The following IQCE variants were observed in gnomAD, a reference collection of about 807,000 sequenced individuals.
IQCE encodes IQ motif containing E, also known as IQ domain-containing protein E.
In IQCE, 115 loss-of-function variants were observed where a neutral mutation model predicts 96.0. The ratio of observed to expected loss-of-function variants is 1.20; its 90% CI spans 1.03 to 1.40. The LOEUF is 1.40. Among genes scored for constraint, IQCE ranks in the 40% most tolerant of loss-of-function variants. The pLI is 0.00. For synonymous variants in IQCE, 412 were observed against 371.2 expected (o/e 1.11, Z -1.26); for missense variants, 1,041 against 909.1 (o/e 1.15, Z -1.87).
intron 11 of IQCE, chr7:2,584,519 G>A (rs1017426191): frequency 5.6e-6 from 3 of 535,448 alleles, no homozygotes; most frequent in Non-Finnish European, 6.8e-6. Context: ...AATGCCGCCC[G>A]TGTTCGTTAT....
intron 11 of IQCE, chr7:2,584,502 C>T (rs897784328): frequency 1.1e-4 from 63 of 576,396 alleles, no homozygotes; most frequent in African/African-American, 8.8e-4. Context: ...ATGGCCAACG[C>T]GTGTTCAATG....
At chr7:2,606,920 G>A (rs529647495) in intron 20 of IQCE, among the ~76,000 whole-genome samples, 9 of 152,278 alleles carry the variant, frequency 5.9e-5, no homozygotes, top group East Asian at 5.8e-4. Context: ...GGACGGGGAC[G>A]TGTCTGAGGC....
intron 16 of IQCE, chr7:2,597,150 G>T (rs1367242304): frequency 2.1e-6 from 1 of 467,902 alleles, no homozygotes; most frequent in Non-Finnish European, 4.4e-6. Flanking sequence ...GAGCCGGCTG[G>T]TTAGGGCCGG....
rs1562637786 is a variant in IQCE at position 2,578,329 on chromosome 7, A to G, written c.553A>G (p.Ile185Val). The G allele has an allele frequency of 6.2e-7, 1 of 1,614,142 alleles. No individual in the cohort carries two copies. Among genetic ancestry groups the G allele is most frequent in the Middle Eastern group, 1.7e-4 (1 of 6,060 alleles). Residue 185 changes from isoleucine to valine, a missense_variant, in exon 7 of 22, where the codon ATA (isoleucine) becomes GTA (valine). By Grantham distance (29) the Ile-to-Val change is conservative. Coordinates refer to ENST00000402050, the MANE Select transcript of IQCE (RefSeq NM_152558.5). ...EEENSRKDRQ[I>V]EQLLDPSRGT... ...GGAAAACAGCAGGAAGGACCGGCAG[A>G]TAGAGCAGCTCCTGGATCCCAGCCG...
intron 21 of IQCE, 145 bp from the exon 22 acceptor site, chr7:2,609,899 G>A (rs1193428894): frequency 3.3e-6 from 2 of 615,138 alleles, no homozygotes; most frequent in Admixed American, 2.8e-5. Flanking sequence ...TTGCTCCTGA[G>A]GGCCTGTGTG....
chr7:2,588,032 A>G (rs537384299), intron 13 of IQCE, among the ~76,000 whole-genome samples, 155 bp downstream of exon 13: 4 of 152,384 alleles, frequency 2.6e-5, no homozygotes, highest in East Asian at 3.9e-4. Context: ...TTCCAGGTCT[A>G]GACAACGCTG....
Position 2,594,551 on chromosome 7 carries a change from C to T in IQCE, c.1350-335C>T, listed in dbSNP as rs757186509. Reference sequence around the variant, plus strand: ...TTGGGATCACAGGCGTCCGGCCTGGCCTCCTACTTACTTATCATTCACACA... The same window carrying T: ...TTGGGATCACAGGCGTCCGGCCTGGTCTCCTACTTACTTATCATTCACACA... On this transcript the variant is annotated intron_variant, in intron 15 of 21. Transcript: ENST00000402050. Among the ~76,000 whole-genome samples, 49 of 152,250 alleles carry T rather than the reference C, an allele frequency of 3.2e-4. 1 individual carries two copies. The highest frequency in any genetic ancestry group is 1.2e-3 in the Admixed American group (19 of 15,288).
rs1216432440 is a variant in IQCE at position 2,572,083 on chromosome 7, G to A, written c.260-109G>A. 12 of 1,189,056 alleles carry A rather than the reference G, an allele frequency of 1.0e-5. No individual in the cohort carries two copies. In the Admixed American group the frequency reaches 1.1e-4, roughly 11 times the overall value. The allele number at this position is 1,189,056 out of a possible 1,614,324, so 73.7% of individuals were successfully genotyped here. On this transcript the variant is annotated intron_variant, in intron 4 of 21. Transcript: ENST00000402050. ...TACCAGCACGACACTGACGGCTGGCGTCTATCAGTGATTCAGCTTTCTTCA... is the reference window on the plus strand; with the variant it reads ...TACCAGCACGACACTGACGGCTGGCATCTATCAGTGATTCAGCTTTCTTCA...
At chr7:2,595,487 GGACCC>G (rs1783955934) in intron 16 of IQCE, among the ~76,000 whole-genome samples, 1 of 149,410 alleles carries the variant, frequency 6.7e-6, no homozygotes. Flanking sequence ...CTGTTAGCAG[GGACCC>G]GGCAGGTGAG....
At chr7:2,586,080 C>A in intron 11 of IQCE, 128 bp from the exon 12 acceptor site, 1 of 792,380 alleles carries the variant, frequency 1.3e-6, no homozygotes, top group Non-Finnish European at 2.0e-6. Flanking sequence ...ATTTCAAATA[C>A]TCACCTGCAA....
intron 21 of IQCE, among the ~76,000 whole-genome samples, chr7:2,608,858 T>C (rs1784990199): frequency 6.6e-6 from 1 of 152,276 alleles, no homozygotes; most frequent in South Asian, 2.1e-4. Context: ...ATTGGTTGTT[T>C]TTGAAGATAA....
In IQCE at chr7:2,595,587, G is replaced by A. The variant is rs187282599; in HGVS notation, c.1440+611G>A. 8.6e-3 allele frequency among the ~76,000 whole-genome samples: 1,304 copies of A among 152,282 alleles called. 18 individuals carry two copies. Among genetic ancestry groups the A allele is most frequent in the African/African-American group, 0.029 (1,223 of 41,566 alleles). On this transcript the variant is annotated intron_variant, in intron 16 of 21. Coordinates refer to ENST00000402050, the MANE Select transcript of IQCE (RefSeq NM_152558.5). The stretch of plus-strand genomic sequence containing the variant: ...CCCGGGGGCAGCTAGTCGCGGCGGC[G>A]TCTCTGTGGCTCCGAGGTCCCTGGC...
intron 13 of IQCE, among the ~76,000 whole-genome samples, chr7:2,588,257 G>A (rs1262531712): frequency 3.3e-5 from 5 of 152,150 alleles, no homozygotes; most frequent in South Asian, 2.1e-4. Context: ...CAGAAATGTC[G>A]GGAAATGAAC....
intron 8 of IQCE, among the ~76,000 whole-genome samples, chr7:2,581,567 G>A (rs1289379756): frequency 6.6e-6 from 1 of 152,128 alleles, no homozygotes; most frequent in African/African-American, 2.4e-5. Flanking sequence ...CAAGCCTGGT[G>A]TGGTGGCTCA....
rs80187333 is a variant in IQCE, at chr7:2,611,774, G to A, written c.*1612G>A. The stretch of plus-strand genomic sequence containing the variant: ...TTCTGTTTCTGCAGTGGGTGGAAGC[G>A]AGTCAGCGGGGGGCCTGGCTTGTGT... On this transcript the variant is annotated 3_prime_UTR_variant, in exon 22 of 22. Coordinates refer to ENST00000402050, the MANE Select transcript of IQCE (RefSeq NM_152558.5). 772 of 152,386 alleles carry A rather than the reference G, an allele frequency of 5.1e-3. 6 individuals are homozygous for A. Among genetic ancestry groups the A allele is most frequent in the Non-Finnish European group, 8.4e-3 (575 of 68,054 alleles). 9.4% of individuals were successfully genotyped at this position (152,386 alleles called of 1,614,324 possible).
chr7:2,589,000 C>T (rs867966549), intron 13 of IQCE, among the ~76,000 whole-genome samples: 1 of 152,100 alleles, frequency 6.6e-6, no homozygotes, highest in African/African-American at 2.4e-5. Context: ...ATTAGAGCAT[C>T]TGTGTTGTTT....
At chr7:2,598,281 G>C in intron 16 of IQCE, 184 bp from the exon 17 acceptor site, 1 of 541,396 alleles carries the variant, frequency 1.8e-6, no homozygotes, top group East Asian at 3.0e-5. Context: ...CTGTCTCTCA[G>C]CAGTACAAGA....
intron 15 of IQCE, 129 bp downstream of exon 15, chr7:2,593,255 C>G: frequency 7.3e-7 from 1 of 1,371,146 alleles, no homozygotes; most frequent in East Asian, 2.4e-5. Context: ...TCCTCACAGT[C>G]TTTCATGGTT....
intron 15 of IQCE, among the ~76,000 whole-genome samples, chr7:2,593,429 C>G (rs1783770725): frequency 6.6e-6 from 1 of 152,260 alleles, no homozygotes; most frequent in Admixed American, 6.5e-5. Context: ...CAGGTGTGGG[C>G]CACATCCTTA....
Sources: allele counts gnomAD v4.1 joint callset (sites outside exome capture counted in the v4.1 genomes callset), GRCh38; gene constraint gnomAD v4.1.1; transcripts MANE v1.5; gene names NCBI Gene and HGNC (gene_info 2026-07-23, HGNC 2026-07-21).